Variants in GLB1L3 observed in about 807,000 individuals in gnomAD.
GLB1L3 encodes the protein beta-galactosidase-1-like protein 3.
Under a neutral mutation model 89.5 loss-of-function variants are expected in GLB1L3, and 89 were observed. That is an observed-to-expected ratio of 0.99 (90% CI 0.84 to 1.19). The LOEUF (loss-of-function observed/expected upper bound fraction) is 1.19, where lower values mean the gene tolerates loss of function less well. Among genes scored for constraint, GLB1L3 ranks in the 50% most tolerant of loss-of-function variants. The probability of loss-of-function intolerance (pLI) is 0.00; values close to 1 mark genes in which losing one functional copy is unlikely to be tolerated. For synonymous variants in GLB1L3, 314 were observed against 312.3 expected (o/e 1.01, Z -0.06); for missense variants, 812 against 813.3 (o/e 1.00, Z 0.02).
chr11:134,310,345 AG>A, intron 11 of GLB1L3: 1 of 545,108 alleles, frequency 1.8e-6, no homozygotes, highest in South Asian at 2.7e-5. Flanking sequence ...AAAGTGAAGA[AG>A]TGGGGGCAAG....
intron 9 of GLB1L3, among the ~76,000 whole-genome samples, chr11:134,299,168 T>G (rs1363727514): frequency 1.3e-5 from 2 of 152,080 alleles, no homozygotes; most frequent in African/African-American, 4.8e-5. Flanking sequence ...TGCTTCTTTC[T>G]TAGTTTTCAT....
chr11:134,320,952 TG>T (rs35244039), downstream of GLB1L3, among the ~76,000 whole-genome samples: 44,387 of 152,060 alleles, frequency 0.29, 6,844 homozygotes, highest in Admixed American at 0.35. Context: ...GTGGATGTCT[TG>T]GGGCATTACA....
intron 9 of GLB1L3, 50 bp downstream of exon 9, chr11:134,293,259 T>G (rs369464758): frequency 4.2e-6 from 6 of 1,427,658 alleles, no homozygotes; most frequent in Admixed American, 1.7e-5. Context: ...TACCATGACC[T>G]CCCTTGCCTA....
rs1942776677 is a variant in GLB1L3, at chr11:134,312,413, C to G, written c.1352C>G (p.Ser451Cys). The G allele has an allele frequency of 2.5e-6, 4 of 1,613,794 alleles. No individual in the cohort carries two copies. Among genetic ancestry groups the G allele is most frequent in the Non-Finnish European group, 3.4e-6 (4 of 1,179,872 alleles). Residue 451 changes from serine to cysteine, a missense_variant, in exon 14 of 20, where the codon TCC (serine) becomes TGC (cysteine). By Grantham distance (112) the Ser-to-Cys change is moderately radical. Coordinates refer to ENST00000431683, the MANE Select transcript of GLB1L3 (RefSeq NM_001080407.3). ...CCCATAAACAATGGGAGCGGCCAGT[C>G]CTACGGGCTTGTCCTGTATGAGAAG... ...NLPINNGSGQ[S>C]YGLVLYEKSI...
intron 11 of GLB1L3, chr11:134,310,292 C>A (rs561254132): frequency 2.1e-6 from 1 of 472,518 alleles, no homozygotes; most frequent in Non-Finnish European, 3.8e-6. Flanking sequence ...CATCCTGGGC[C>A]GCCTGTAGCC....
Position 134,292,015 on chromosome 11 carries a change from T to C in GLB1L3, c.730-117T>C, listed in dbSNP as rs1191284730. The C allele has an allele frequency of 1.5e-5, 10 of 682,748 alleles. No individual in the cohort carries two copies. In the East Asian group the frequency reaches 1.9e-4, roughly 13 times the overall value. 42.3% of individuals were successfully genotyped at this position (682,748 alleles called of 1,614,324 possible). ...AATTAAAAAAGTAAAAACATATTTC[T>C]GACTGTGATTGCAGAATGCATGGAT... On this transcript the variant is annotated intron_variant, in intron 7 of 19. Coordinates refer to ENST00000431683, the MANE Select transcript of GLB1L3 (RefSeq NM_001080407.3).
In GLB1L3 at chr11:134,276,750, C is replaced by G; in HGVS notation, c.10C>G (p.Pro4Ala). 1 of 1,450,726 alleles carries G rather than the reference C, an allele frequency of 6.9e-7. No individual in the cohort carries two copies. The highest frequency in any genetic ancestry group is 1.5e-5 in the African/African-American group (1 of 68,094). 89.9% of individuals were successfully genotyped at this position (1,450,726 alleles called of 1,614,324 possible). The change falls in exon 1 of 20, where the codon CCG becomes GCG. Residue 4 changes from proline to alanine, a missense_variant. By Grantham distance (27) the Pro-to-Ala change is conservative. Around this residue, in one of 3 missense-constraint regions of GLB1L3, gnomAD observed 191 missense variants for 191.4 expected, o/e 1.00. Transcript: ENST00000431683. MKS[P>A]PLLSPCLSWK... The stretch of plus-strand genomic sequence containing the variant: ...CCTCGGCCTGGCCGCGATGAAGTCC[C>G]CGCCCCTCCTCAGGTGACGGATCGC...
chr11:134,305,119 C>T, intron 9 of GLB1L3: 1 of 1,547,176 alleles, frequency 6.5e-7, no homozygotes, highest in East Asian at 2.4e-5. Context: ...TCCCAGGGAG[C>T]CAGTATAGAT....
intron 9 of GLB1L3, among the ~76,000 whole-genome samples, 193 bp downstream of exon 9, chr11:134,293,402 C>T (rs1485156804): frequency 1.3e-5 from 2 of 152,090 alleles, no homozygotes; most frequent in East Asian, 3.9e-4. Flanking sequence ...CTTGTGTCAC[C>T]TCCGCTTGTG....
At chr11:134,275,831 T>G (rs1383059646), upstream of GLB1L3, 2 of 152,320 alleles carry the variant, frequency 1.3e-5, no homozygotes, top group Non-Finnish European at 2.9e-5. Flanking sequence ...TCTCCGGAGC[T>G]GCCGGTTTAA....
chr11:134,324,743 T>C, the GLB1L3 span, among the ~76,000 whole-genome samples: 2 of 152,124 alleles, frequency 1.3e-5, no homozygotes, highest in Non-Finnish European at 2.9e-5. Flanking sequence ...CTGAATGATA[T>C]TAAATAATAA....
At chr11:134,313,372 C>G (rs992175819) in intron 15 of GLB1L3, 24 bp from the exon 16 acceptor site, 2 of 1,559,266 alleles carry the variant, frequency 1.3e-6, no homozygotes, top group African/African-American at 1.4e-5. Flanking sequence ...TGCGTGGTCT[C>G]CATGACCTGG....
chr11:134,310,861 C>T (rs1419768646), intron 12 of GLB1L3: 2 of 618,966 alleles, frequency 3.2e-6, no homozygotes, highest in Admixed American at 2.9e-5. Flanking sequence ...GCCTCAGTTT[C>T]TTCACTGAAG....
downstream of GLB1L3, among the ~76,000 whole-genome samples, chr11:134,321,907 TTAAAG>T (rs1286634429): frequency 7.3e-6 from 1 of 136,670 alleles, no homozygotes; most frequent in East Asian, 2.2e-4. Context: ...ACCCTAGAAC[TTAAAG>T]TATAATAAAA....
intron 7 of GLB1L3, among the ~76,000 whole-genome samples, chr11:134,290,577 G>A (rs539825): frequency 1.5e-5 from 2 of 129,566 alleles, no homozygotes; most frequent in Admixed American, 8.5e-5. Context: ...GTCCCCCCCC[G>A]CCAAAAAAAA....
Position 134,277,881 on chromosome 11 carries a change from C to T in GLB1L3, c.331C>T (p.Leu111=), listed in dbSNP as rs768314984. The T allele has an allele frequency of 6.2e-7, 1 of 1,614,060 alleles. No homozygotes were observed. Among genetic ancestry groups the T allele is most frequent in the Admixed American group, 1.7e-5 (1 of 59,996 alleles). Reference sequence around the variant, plus strand: ...GTACTGGAGGGACCGCCTGCTGAAGCTGAAGGCCTGTGGCTTCAATACTGT... The same window carrying T: ...GTACTGGAGGGACCGCCTGCTGAAGTTGAAGGCCTGTGGCTTCAATACTGT... ...REYWRDRLLK[L]KACGFNTVTT... Residue 111 remains leucine (L), a synonymous_variant, in exon 3 of 20, where the codon CTG becomes TTG. Transcript: ENST00000431683.
chr11:134,291,437 G>A (rs1012023897), intron 7 of GLB1L3, among the ~76,000 whole-genome samples: 10 of 151,984 alleles, frequency 6.6e-5, no homozygotes, highest in African/African-American at 1.7e-4. Context: ...TTAGAGACAG[G>A]GTTTCACCAT....
chr11:134,308,559 C>CCACCAT (rs1942515335), intron 10 of GLB1L3, among the ~76,000 whole-genome samples: 1 of 132,706 alleles, frequency 7.5e-6, no homozygotes, highest in Non-Finnish European at 1.6e-5. Flanking sequence ...ATCACCATCA[C>CCACCAT]CACCACCACC....
At chr11:134,324,164 T>C (rs1565428555), downstream of GLB1L3, among the ~76,000 whole-genome samples, 1 of 152,216 alleles carries the variant, frequency 6.6e-6, no homozygotes, top group Admixed American at 6.5e-5. Flanking sequence ...AGAAGAATTG[T>C]TAAAGTTTTC....
Sources: gnomAD v4.1 joint callset for allele counts (sites outside exome capture counted in the v4.1 genomes callset) on GRCh38, gnomAD v4.1.1 for gene constraint, gnomAD v4.1.1 regional missense constraint, MANE v1.5 for transcripts, NCBI Gene and HGNC (gene_info 2026-07-23, HGNC 2026-07-21) for gene names.